Variants in ADAMTSL1 observed in about 807,000 individuals in gnomAD.
ADAMTSL1 encodes the protein ADAMTS-like protein 1.
ADAMTSL1 carries 126 observed loss-of-function variants against 201.8 expected under a neutral mutation model. That is an observed-to-expected ratio of 0.62 (90% CI 0.54 to 0.72). ADAMTSL1 has a LOEUF of 0.72. ADAMTSL1 is among the 30% of genes least tolerant of loss of function. The pLI is 0.00. For synonymous variants in ADAMTSL1, 1,121 were observed against 903.4 expected (o/e 1.24, Z -4.32); for missense variants, 2,679 against 2,277.8 (o/e 1.18, Z -3.59).
At chr9:18,883,314 C>T (rs1187947804) in intron 23 of ADAMTSL1, among the ~76,000 whole-genome samples, 1 of 152,132 alleles carries the variant, frequency 6.6e-6, no homozygotes, top group Admixed American at 6.5e-5. Context: ...TCAGGCCAGT[C>T]CCGGCATGAC....
chr9:18,817,369 A>G lies in ADAMTSL1; in HGVS notation c.3934+132A>G. On this transcript the variant is annotated intron_variant, in intron 21 of 28. Coordinates refer to ENST00000380548, the MANE Select transcript of ADAMTSL1 (RefSeq NM_001040272.6). ...GTAGGAAAGCCAAAGCATGAACCTC[A>G]GTCGCTCTGAAAGTAGAAAGTGCTA... 5 of 894,998 alleles carry G rather than the reference A, an allele frequency of 5.6e-6. No homozygotes were observed. In the South Asian group the frequency reaches 7.9e-5, roughly 14 times the overall value. 55.4% of individuals were successfully genotyped at this position (894,998 alleles called of 1,614,324 possible). A position where few individuals can be genotyped will look rare whatever the true frequency, so the allele number is the denominator to read the frequency against.
At chr9:17,969,138 G>A (rs957966311) in intron 1 of ADAMTSL1, among the ~76,000 whole-genome samples, 2 of 152,072 alleles carry the variant, frequency 1.3e-5, no homozygotes, top group Non-Finnish European at 2.9e-5. Flanking sequence ...TTTATAGTAA[G>A]CACAGACACT....
intron 2 of ADAMTSL1, among the ~76,000 whole-genome samples, chr9:18,512,897 T>C (rs1367226151): frequency 6.6e-6 from 1 of 152,216 alleles, no homozygotes; most frequent in African/African-American, 2.4e-5. Context: ...AGTATTGTCA[T>C]TTTATTTCTT....
At chr9:18,542,850 A>G (rs1336429592) in intron 3 of ADAMTSL1, among the ~76,000 whole-genome samples, 2 of 152,204 alleles carry the variant, frequency 1.3e-5, no homozygotes, top group African/African-American at 4.8e-5. Context: ...GATCACTTTG[A>G]AATTCCAAAG....
chr9:18,680,281 T>C lies in ADAMTSL1; in HGVS notation c.1137-31T>C, dbSNP rs752611969. On this transcript the variant is annotated intron_variant, in intron 10 of 28. Transcript: ENST00000380548. The stretch of plus-strand genomic sequence containing the variant: ...CTGAGGAGGCTTAGCAATGTGCATG[T>C]CTGCCCTGATGACTCCCCTTGCTTC... 4 of 1,605,676 alleles carry C rather than the reference T, an allele frequency of 2.5e-6. No individual in the cohort carries two copies. The East Asian group carries it at 6.7e-5, about 27-fold the overall frequency.
rs1427346728 is a variant in ADAMTSL1 at position 18,828,679 on chromosome 9, TATATATATATATATAA to T, written c.4115-1162_4115-1147del. Among the ~76,000 whole-genome samples, 19 of 114,496 alleles carry T rather than the reference TATATATATATATATAA, an allele frequency of 1.7e-4. 2 individuals carry two copies. The highest frequency in any genetic ancestry group is 3.5e-4 in the African/African-American group (11 of 31,296). The allele number at this position is 114,496 out of a possible 152,430, so 75.1% of individuals were successfully genotyped here. A position where few individuals can be genotyped will look rare whatever the true frequency, so the allele number is the denominator to read the frequency against. On this transcript the variant is annotated intron_variant, in intron 22 of 28. Coordinates refer to ENST00000380548, the MANE Select transcript of ADAMTSL1 (RefSeq NM_001040272.6). ...GTATATTTATATATATATATATATA[TATATATATATATATAA>T]AATGTGTGTGTGTGTATATATATAT...
intron 1 of ADAMTSL1, among the ~76,000 whole-genome samples, chr9:17,997,603 A>G (rs1435971592): frequency 6.6e-6 from 1 of 152,036 alleles, no homozygotes; most frequent in Non-Finnish European, 1.5e-5. Context: ...AGGGCCCTCC[A>G]CACAGCGATG....
At chr9:18,696,135 C>A (rs1317327231) in intron 13 of ADAMTSL1, among the ~76,000 whole-genome samples, 2 of 152,180 alleles carry the variant, frequency 1.3e-5, no homozygotes, top group East Asian at 3.9e-4. Context: ...GGTCCCTCCT[C>A]CAATATTGGG....
chr9:18,038,099 T>C (rs2131626036), intron 1 of ADAMTSL1, among the ~76,000 whole-genome samples: 1 of 152,346 alleles, frequency 6.6e-6, no homozygotes, highest in South Asian at 2.1e-4. Context: ...TGGATGTCAC[T>C]GACCTGGCTT....
At chr9:18,529,397 T>C (rs1819297654) in intron 2 of ADAMTSL1, among the ~76,000 whole-genome samples, 1 of 152,222 alleles carries the variant, frequency 6.6e-6, no homozygotes, top group Non-Finnish European at 1.5e-5. Flanking sequence ...GAGCACATCA[T>C]GTTCCTTTTC....
At chr9:17,960,373 A>T (rs1482895325) in intron 1 of ADAMTSL1, among the ~76,000 whole-genome samples, 3 of 152,198 alleles carry the variant, frequency 2.0e-5, no homozygotes. Context: ...CTAATTTCCT[A>T]GCTAAGGACT....
intron 2 of ADAMTSL1, among the ~76,000 whole-genome samples, chr9:18,185,809 T>C (rs1394065048): frequency 6.6e-6 from 1 of 152,170 alleles, no homozygotes; most frequent in Non-Finnish European, 1.5e-5. Flanking sequence ...GGTTATGTCA[T>C]GTAAAATACA....
At chr9:18,206,934 G>A (rs918825653) in intron 2 of ADAMTSL1, among the ~76,000 whole-genome samples, 1 of 152,142 alleles carries the variant, frequency 6.6e-6, no homozygotes, top group African/African-American at 2.4e-5. Flanking sequence ...AGAGGCCGAG[G>A]TGGGTGAATC....
At chr9:18,828,660 T>TTTTTATATATATATATATATATA (rs10685537) in intron 22 of ADAMTSL1, among the ~76,000 whole-genome samples, 1 of 28,532 alleles carries the variant, frequency 3.5e-5, no homozygotes, top group African/African-American at 1.2e-4. Flanking sequence ...GAAAGTATAT[T>TTTTTATATATATATATATATATA]TATATATATA....
chr9:18,752,330 A>T (rs1360709847), intron 15 of ADAMTSL1, among the ~76,000 whole-genome samples: 1 of 152,158 alleles, frequency 6.6e-6, no homozygotes, highest in Non-Finnish European at 1.5e-5. Flanking sequence ...AAGGCCAAAA[A>T]ATTTTCAACC....
intron 9 of ADAMTSL1, among the ~76,000 whole-genome samples, chr9:18,671,952 G>A (rs1829843463): frequency 6.6e-6 from 1 of 152,072 alleles, no homozygotes; most frequent in Admixed American, 6.6e-5. Context: ...CAGGAGAATG[G>A]CGTGAACCTG....
intron 20 of ADAMTSL1, among the ~76,000 whole-genome samples, chr9:18,812,595 T>C (rs1823570239): frequency 1.3e-5 from 2 of 152,234 alleles, no homozygotes; most frequent in South Asian, 2.1e-4. Flanking sequence ...GTTTTTGGGA[T>C]CTTATCTAAA....
intron 2 of ADAMTSL1, among the ~76,000 whole-genome samples, chr9:18,437,475 C>A (rs9406750): frequency 0.24 from 35,774 of 151,956 alleles, 5,378 homozygotes; most frequent in Non-Finnish European, 0.33. Context: ...AAATCCTTAA[C>A]TGCCTTCTCA....
intron 23 of ADAMTSL1, among the ~76,000 whole-genome samples, chr9:18,837,755 T>C (rs75674749): frequency 0.087 from 13,303 of 152,222 alleles, 797 homozygotes; most frequent in East Asian, 0.22. Flanking sequence ...AACAGCAGAA[T>C]TGAGTACGTG....
Sources: gnomAD v4.1 joint callset for allele counts (sites outside exome capture counted in the v4.1 genomes callset) on GRCh38, gnomAD v4.1.1 for gene constraint, MANE v1.5 for transcripts, NCBI Gene and HGNC (gene_info 2026-07-23, HGNC 2026-07-21) for gene names.